The following NAALADL2 variants were observed in gnomAD, a reference collection of about 807,000 sequenced individuals.
The protein encoded by NAALADL2 is inactive N-acetylated-alpha-linked acidic dipeptidase-like protein 2.
Under a neutral mutation model 87.2 loss-of-function variants are expected in NAALADL2, and 76 were observed. That is an observed-to-expected ratio of 0.87 (90% CI 0.72 to 1.05). The LOEUF is 1.05. Ranked by LOEUF, NAALADL2 falls within the 50% of genes least tolerant of loss-of-function variation. The probability of loss-of-function intolerance (pLI) is 0.00; values close to 1 mark genes in which losing one functional copy is unlikely to be tolerated. For synonymous variants in NAALADL2, 354 were observed against 331.0 expected (o/e 1.07, Z -0.75); for missense variants, 1,089 against 945.8 (o/e 1.15, Z -1.99).
intron 2 of NAALADL2, among the ~76,000 whole-genome samples, chr3:174,691,151 C>G (rs1157016384): frequency 6.6e-6 from 1 of 152,118 alleles, no homozygotes; most frequent in Admixed American, 6.6e-5. Context: ...GTGGCTTATG[C>G]CTGTAATCCC....
chr3:175,722,571 T>G (rs900947378), intron 11 of NAALADL2, among the ~76,000 whole-genome samples: 1 of 152,154 alleles, frequency 6.6e-6, no homozygotes, highest in East Asian at 1.9e-4. Flanking sequence ...AAATAAAATA[T>G]GTACATTACT....
chr3:174,564,566 T>G (rs943555768), intron 2 of NAALADL2, among the ~76,000 whole-genome samples: 3 of 152,192 alleles, frequency 2.0e-5, no homozygotes, highest in Admixed American at 2.0e-4. Context: ...TAATTTTGTC[T>G]AAGTAACCTA....
At chr3:175,481,462 A>C (rs1582070753) in intron 9 of NAALADL2, among the ~76,000 whole-genome samples, 1 of 151,718 alleles carries the variant, frequency 6.6e-6, no homozygotes, top group Non-Finnish European at 1.5e-5. Context: ...GGACCACAGC[A>C]CCATAAATTG....
At chr3:175,537,569 C>A (rs890383468) in intron 9 of NAALADL2, among the ~76,000 whole-genome samples, 1 of 152,092 alleles carries the variant, frequency 6.6e-6, no homozygotes, top group East Asian at 1.9e-4. Context: ...TACCATATAA[C>A]CACATCAAAA....
At chr3:175,717,092 A>G (rs1205893795) in intron 11 of NAALADL2, among the ~76,000 whole-genome samples, 1 of 152,176 alleles carries the variant, frequency 6.6e-6, no homozygotes, top group African/African-American at 2.4e-5. Context: ...TAGGGATAAA[A>G]TGACATAGCC....
chr3:175,546,498 C>T (rs7642762), intron 9 of NAALADL2, among the ~76,000 whole-genome samples: 4 of 152,036 alleles, frequency 2.6e-5, no homozygotes, highest in East Asian at 3.9e-4. Context: ...TGTGTACTTC[C>T]GTGTGTTTTT....
intron 2 of NAALADL2, among the ~76,000 whole-genome samples, chr3:175,207,859 A>G (rs564094573): frequency 1.3e-5 from 2 of 152,274 alleles, no homozygotes; most frequent in Non-Finnish European, 2.9e-5. Flanking sequence ...TATGATAAAT[A>G]AAAGGAGTGG....
chr3:174,795,790 T>C (rs75397801), intron 3 of NAALADL2, among the ~76,000 whole-genome samples: 1,863 of 152,326 alleles, frequency 0.012, 41 homozygotes, highest in African/African-American at 0.043. Context: ...ACTGTTGATA[T>C]TTGAGCATTT....
chr3:175,581,090 G>C, intron 10 of NAALADL2: 1 of 292,688 alleles, frequency 3.4e-6, no homozygotes, highest in South Asian at 3.1e-5. Flanking sequence ...TATTAACCAA[G>C]ACAAAAATAT....
intron 2 of NAALADL2, among the ~76,000 whole-genome samples, chr3:175,168,142 C>A (rs1200689870): frequency 1.3e-5 from 2 of 149,324 alleles, no homozygotes; most frequent in African/African-American, 4.9e-5. Context: ...GATGAGAAAC[C>A]ACAGATATGT....
intron 1 of NAALADL2, among the ~76,000 whole-genome samples, chr3:174,939,499 G>A (rs188182753): frequency 1.8e-4 from 27 of 152,004 alleles, no homozygotes; most frequent in African/African-American, 6.0e-4. Context: ...CTATATTTTG[G>A]TTCCATATGA....
At chr3:175,714,154 A>G (rs1740920057) in intron 11 of NAALADL2, among the ~76,000 whole-genome samples, 1 of 152,138 alleles carries the variant, frequency 6.6e-6, no homozygotes, top group Non-Finnish European at 1.5e-5. Context: ...AGTTGGTTCC[A>G]AGTCTTTGCT....
At chr3:174,587,096 T>A (rs771823524) in intron 2 of NAALADL2, among the ~76,000 whole-genome samples, 2 of 151,976 alleles carry the variant, frequency 1.3e-5, no homozygotes, top group Non-Finnish European at 2.9e-5. Context: ...TGGTTTTCTG[T>A]CCTTGCCATA....
chr3:174,486,439 G>A (rs1415290756), intron 1 of NAALADL2, among the ~76,000 whole-genome samples: 1 of 151,950 alleles, frequency 6.6e-6, no homozygotes, highest in African/African-American at 2.4e-5. Context: ...CCTCAAACTT[G>A]TCCACATTGA....
chr3:175,758,142 C>T (rs1747509073), intron 13 of NAALADL2, among the ~76,000 whole-genome samples: 1 of 151,860 alleles, frequency 6.6e-6, no homozygotes, highest in Non-Finnish European at 1.5e-5. Flanking sequence ...TATTTGTCTG[C>T]CCCTGAGTTA....
chr3:174,916,220 G>T (rs1371114084), intron 1 of NAALADL2, among the ~76,000 whole-genome samples: 2 of 151,844 alleles, frequency 1.3e-5, no homozygotes, highest in Non-Finnish European at 2.9e-5. Flanking sequence ...AACAACAGAT[G>T]TTGGTGTGGA....
At chr3:175,254,334 A>G (rs898931286) in intron 3 of NAALADL2, among the ~76,000 whole-genome samples, 4 of 152,302 alleles carry the variant, frequency 2.6e-5, no homozygotes, top group South Asian at 4.1e-4. Flanking sequence ...CAGACCAATA[A>G]AGTATTTTTA....
intron 1 of NAALADL2, among the ~76,000 whole-genome samples, chr3:174,922,812 A>G (rs1288023284): frequency 1.3e-5 from 2 of 152,208 alleles, no homozygotes; most frequent in Non-Finnish European, 2.9e-5. Flanking sequence ...TTAGTCCATT[A>G]TATGAATATG....
intron 5 of NAALADL2, among the ~76,000 whole-genome samples, chr3:175,356,709 A>G (rs1313649496): frequency 1.3e-5 from 2 of 152,014 alleles, no homozygotes; most frequent in Non-Finnish European, 2.9e-5. Context: ...TATAGAAGAA[A>G]AGCTAGGCAC....
Sources: gnomAD v4.1 joint callset for allele counts (sites outside exome capture counted in the v4.1 genomes callset) on GRCh38, gnomAD v4.1.1 for gene constraint, MANE v1.5 for transcripts, NCBI Gene and HGNC (gene_info 2026-07-23, HGNC 2026-07-21) for gene names.